Variants in RALGAPA2 observed in about 807,000 individuals in gnomAD.
RALGAPA2 encodes the protein ral GTPase-activating protein subunit alpha-2.
A neutral mutation model predicts 230.4 loss-of-function variants in RALGAPA2; 139 were observed. The observed-to-expected ratio is 0.60, with a 90% CI of 0.53 to 0.69. The LOEUF (loss-of-function observed/expected upper bound fraction) is 0.69. Among genes scored for constraint, RALGAPA2 ranks in the 30% least tolerant of loss-of-function variants. RALGAPA2 has a pLI of 0.00. For missense variants in RALGAPA2, 2,163 were observed against 2,276.0 expected, an observed-to-expected ratio of 0.95 and a Z score of 1.01; for synonymous variants, 847 against 837.8, an observed-to-expected ratio of 1.01 and a Z score of -0.19.
Position 20,704,654 on chromosome 20 carries a change from T to C in RALGAPA2, c.106+7721A>G, listed in dbSNP as rs375636517. Among the ~76,000 whole-genome samples the C allele has an allele frequency of 2.8e-4, 43 of 152,320 alleles. 1 individual carries two copies. In the South Asian group the frequency reaches 7.9e-3, roughly 28 times the overall value. On this transcript the variant is annotated intron_variant, in intron 1 of 39. Transcript: ENST00000202677. ...CAGCCCAGACTATATCTTCAGGGCT[T>C]GCAATCCAAAGGAAGGGAGCTCTCT...
intron 1 of RALGAPA2, among the ~76,000 whole-genome samples, chr20:20,701,638 G>A (rs1378192900): frequency 1.3e-5 from 2 of 152,208 alleles, no homozygotes; most frequent in Non-Finnish European, 2.9e-5. Context: ...GCTGAGGCAG[G>A]AGAATTGCTA....
At chr20:20,613,172 T>C (rs534930824) in intron 13 of RALGAPA2, among the ~76,000 whole-genome samples, 1 of 152,338 alleles carries the variant, frequency 6.6e-6, no homozygotes, top group Admixed American at 6.5e-5. Flanking sequence ...AAGCTGCCAG[T>C]TTTGACAACT....
chr20:20,623,679 C>A (rs993524428), intron 10 of RALGAPA2, among the ~76,000 whole-genome samples: 4 of 152,112 alleles, frequency 2.6e-5, no homozygotes, highest in African/African-American at 9.7e-5. Context: ...AGGATAATTT[C>A]TTCAGATTTG....
At chr20:20,615,182 C>T (rs1173289114) in intron 13 of RALGAPA2, among the ~76,000 whole-genome samples, 1 of 149,202 alleles carries the variant, frequency 6.7e-6, no homozygotes, top group Non-Finnish European at 1.5e-5. Context: ...TTTTTTTTCC[C>T]GAGACAAGAG....
intron 27 of RALGAPA2, among the ~76,000 whole-genome samples, chr20:20,528,453 C>T (rs1173276323): frequency 2.6e-5 from 4 of 151,932 alleles, no homozygotes; most frequent in East Asian, 3.9e-4. Context: ...GTGGGTGGGA[C>T]GGACGATGGG....
intron 24 of RALGAPA2, among the ~76,000 whole-genome samples, chr20:20,541,995 T>C (rs2063655505): frequency 6.6e-6 from 1 of 152,216 alleles, no homozygotes; most frequent in Non-Finnish European, 1.5e-5. Flanking sequence ...GACATGATTG[T>C]ATATTTAGAA....
At chr20:20,510,437 G>A (rs1307720307) in intron 33 of RALGAPA2, among the ~76,000 whole-genome samples, 1 of 151,916 alleles carries the variant, frequency 6.6e-6, no homozygotes, top group Non-Finnish European at 1.5e-5. Context: ...AGTGTGAAGA[G>A]TTGAAAAATA....
At position 20,393,191 on chromosome 20, in the gene RALGAPA2, G is replaced by T; in HGVS notation, c.*98C>A. On this transcript the variant is annotated 3_prime_UTR_variant, in exon 40 of 40. Coordinates refer to ENST00000202677, the MANE Select transcript of RALGAPA2 (RefSeq NM_020343.4). Reference sequence around the variant, plus strand: ...GCTCGGGGCAGAGGCAGGAGAGGGTGTTCTGTCTCCTCCTCACTCAGGGGC... The same window carrying T: ...GCTCGGGGCAGAGGCAGGAGAGGGTTTTCTGTCTCCTCCTCACTCAGGGGC... 7.4e-7 allele frequency: 1 copy of T among 1,348,692 alleles called. No homozygotes were observed. The highest frequency in any genetic ancestry group is 1.2e-5 in the South Asian group (1 of 84,830). The allele number at this position is 1,348,692 out of a possible 1,614,324, so 83.5% of individuals were successfully genotyped here.
chr20:20,524,431 G>A lies in RALGAPA2; in HGVS notation c.3875C>T (p.Ala1292Val). Residue 1292 changes from alanine (A) to valine (V), a missense_variant, in exon 30 of 40, where the codon GCC becomes GTC. Transcript: ENST00000202677. ...CCTGTAGATATAATCCAGCAAGGGG[G>A]CTCTGGCCGAATGCTGCTCCTCTAG... ...AVLEEQHSAR[A>V]PLLDYIYRVL... 1.2e-6 allele frequency: 2 copies of A among 1,613,848 alleles called. No individual in the cohort carries two copies. The highest frequency in any genetic ancestry group is 1.7e-5 in the Admixed American group (1 of 60,002).
At chr20:20,594,209 T>A (rs1054109871) in intron 16 of RALGAPA2, among the ~76,000 whole-genome samples, 6 of 152,236 alleles carry the variant, frequency 3.9e-5, no homozygotes, top group African/African-American at 1.4e-4. Flanking sequence ...TGTAACAGTA[T>A]ATTTATTGGG....
intron 38 of RALGAPA2, among the ~76,000 whole-genome samples, chr20:20,411,031 T>G (rs1338043512): frequency 6.6e-6 from 1 of 152,226 alleles, no homozygotes; most frequent in African/African-American, 2.4e-5. Flanking sequence ...TGTAAGTGAT[T>G]TATTTCACTG....
chr20:20,562,762 A>G (rs949887000), intron 23 of RALGAPA2, among the ~76,000 whole-genome samples: 1 of 152,154 alleles, frequency 6.6e-6, no homozygotes, highest in African/African-American at 2.4e-5. Context: ...TACCTCCTAC[A>G]TATTTTTACT....
intron 37 of RALGAPA2, among the ~76,000 whole-genome samples, chr20:20,468,763 C>T (rs1396579724): frequency 3.3e-5 from 5 of 152,166 alleles, no homozygotes; most frequent in South Asian, 2.1e-4. Flanking sequence ...AAGAGACCAC[C>T]GTTCTATTCT....
At chr20:20,531,181 A>G (rs2063357185) in intron 27 of RALGAPA2, among the ~76,000 whole-genome samples, 3 of 152,232 alleles carry the variant, frequency 2.0e-5, no homozygotes, top group Admixed American at 2.0e-4. Context: ...TTGAAGATTA[A>G]CAGAATTATT....
At chr20:20,519,540 G>A (rs1349550677) in intron 31 of RALGAPA2, among the ~76,000 whole-genome samples, 1 of 152,184 alleles carries the variant, frequency 6.6e-6, no homozygotes, top group East Asian at 1.9e-4. Flanking sequence ...CCACCACTCT[G>A]GTGAAAGTGC....
chr20:20,495,846 T>C (rs1411329737), intron 35 of RALGAPA2, among the ~76,000 whole-genome samples: 1 of 152,210 alleles, frequency 6.6e-6, no homozygotes, highest in African/African-American at 2.4e-5. Flanking sequence ...ATAAGAACAC[T>C]CCTACCTAGC....
intron 1 of RALGAPA2, among the ~76,000 whole-genome samples, chr20:20,701,332 T>TC (rs57454401): frequency 0.13 from 20,344 of 152,076 alleles, 2,628 homozygotes; most frequent in African/African-American, 0.34. Flanking sequence ...TTATTATTAT[T>TC]GAAATAAGGG....
At chr20:20,690,314 G>C (rs2068856568) in intron 1 of RALGAPA2, among the ~76,000 whole-genome samples, 1 of 151,426 alleles carries the variant, frequency 6.6e-6, no homozygotes, top group South Asian at 2.1e-4. Context: ...CTTGCTCCTT[G>C]CAAGACCCCC....
intron 37 of RALGAPA2, among the ~76,000 whole-genome samples, chr20:20,418,153 A>G (rs1193142680): frequency 1.3e-5 from 2 of 152,226 alleles, no homozygotes; most frequent in East Asian, 3.8e-4. Flanking sequence ...AGGTGCCAGA[A>G]TATAAGAAGA....
Sources: gnomAD v4.1 joint callset for allele counts (sites outside exome capture counted in the v4.1 genomes callset) on GRCh38, gnomAD v4.1.1 for gene constraint, MANE v1.5 for transcripts, NCBI Gene and HGNC (gene_info 2026-07-23, HGNC 2026-07-21) for gene names.